Variants in CSMD3 observed in about 807,000 individuals in gnomAD.
The protein encoded by CSMD3 is CUB and sushi domain-containing protein 3.
CSMD3 carries 177 observed loss-of-function variants against 435.2 expected under a neutral mutation model. The ratio of observed to expected loss-of-function variants is 0.41; its 90% confidence interval spans 0.36 to 0.46. The LOEUF is 0.46. Ranked by LOEUF, CSMD3 falls within the 20% of genes least tolerant of loss-of-function variation. The pLI, the probability that CSMD3 is intolerant of heterozygous loss-of-function variation, is 0.34. For missense variants in CSMD3, 4,265 were observed against 4,504.6 expected, an observed-to-expected ratio of 0.95 and a Z score of 1.52; for synonymous variants, 1,656 against 1,520.5, an observed-to-expected ratio of 1.09 and a Z score of -2.07.
intron 5 of CSMD3, among the ~76,000 whole-genome samples, chr8:113,088,510 C>T (rs1333013183): frequency 1.3e-5 from 2 of 150,990 alleles, no homozygotes; most frequent in Non-Finnish European, 2.9e-5. Context: ...CACATATACA[C>T]CATGGAATAC....
At chr8:113,316,930 A>G (rs1312505072) in intron 1 of CSMD3, among the ~76,000 whole-genome samples, 1 of 152,116 alleles carries the variant, frequency 6.6e-6, no homozygotes, top group Non-Finnish European at 1.5e-5. Flanking sequence ...TGACCAATAT[A>G]ATCCTATCCT....
intron 27 of CSMD3, among the ~76,000 whole-genome samples, chr8:112,545,435 A>T (rs1827069128): frequency 7.2e-6 from 1 of 138,580 alleles, no homozygotes; most frequent in Non-Finnish European, 1.5e-5. Context: ...GTGACCCAAG[A>T]TCGTGCCACT....
intron 4 of CSMD3, among the ~76,000 whole-genome samples, chr8:113,137,465 C>T (rs189757919): frequency 2.4e-4 from 36 of 151,612 alleles, no homozygotes; most frequent in African/African-American, 8.0e-4. Context: ...CTCATTTGTG[C>T]TGCTCTATCA....
intron 10 of CSMD3, among the ~76,000 whole-genome samples, chr8:112,913,415 A>C (rs2082483162): frequency 6.6e-6 from 1 of 151,368 alleles, no homozygotes; most frequent in Non-Finnish European, 1.5e-5. Flanking sequence ...CCCGCTGTTC[A>C]CCTCCTGCTG....
intron 1 of CSMD3, among the ~76,000 whole-genome samples, chr8:113,332,497 TC>T (rs34630269): frequency 0.33 from 49,199 of 151,262 alleles, 9,918 homozygotes; most frequent in Non-Finnish European, 0.47. Flanking sequence ...CAATGCACAA[TC>T]CAACAAATAA....
At chr8:113,269,872 C>G (rs962601956) in intron 3 of CSMD3, among the ~76,000 whole-genome samples, 3 of 151,866 alleles carry the variant, frequency 2.0e-5, no homozygotes, top group Middle Eastern at 3.4e-3. Flanking sequence ...AGAAGAAAAC[C>G]TAGGCAATAC....
rs941874653 is a variant in CSMD3 at position 112,528,374 on chromosome 8, G to T, written c.4565-11149C>A. ...GGTCTAAAGTCCCAACATATACCAG[G>T]ATTTAAACACAGTAAACCAGGATTC... On this transcript the variant is annotated intron_variant, in intron 27 of 70. Coordinates refer to ENST00000297405, the MANE Select transcript of CSMD3 (RefSeq NM_198123.2). Among the ~76,000 whole-genome samples the T allele has an allele frequency of 2.0e-5, 3 of 149,652 alleles. No homozygotes were observed. The East Asian group carries it at 5.8e-4, about 29-fold the overall frequency.
chr8:112,815,718 G>T (rs1465905158), intron 12 of CSMD3, among the ~76,000 whole-genome samples: 1 of 152,024 alleles, frequency 6.6e-6, no homozygotes, highest in Non-Finnish European at 1.5e-5. Context: ...TAAAACAAAT[G>T]CAAGCAAAAC....
chr8:112,891,185 C>A (rs1280295077), intron 10 of CSMD3, among the ~76,000 whole-genome samples: 1 of 151,554 alleles, frequency 6.6e-6, no homozygotes, highest in Non-Finnish European at 1.5e-5. Context: ...GATGTGTGAT[C>A]TGCAGCAGTT....
At chr8:112,472,141 C>T (rs1818578729) in intron 32 of CSMD3, among the ~76,000 whole-genome samples, 2 of 152,226 alleles carry the variant, frequency 1.3e-5, no homozygotes, top group African/African-American at 4.8e-5. Flanking sequence ...TGCTTAAAAC[C>T]AAAAACTCTT....
intron 3 of CSMD3, 146 bp downstream of exon 3, chr8:113,278,446 C>T (rs1252427836): frequency 3.1e-6 from 2 of 645,842 alleles, no homozygotes; most frequent in East Asian, 3.0e-5. Flanking sequence ...TTTTACTATA[C>T]ATTAATGATT....
intron 65 of CSMD3, 120 bp downstream of exon 65, chr8:112,244,274 T>G: frequency 1.3e-6 from 1 of 794,194 alleles, no homozygotes; most frequent in Admixed American, 1.9e-5. Flanking sequence ...CTCCTAGACT[T>G]GGAGTTAGCC....
intron 36 of CSMD3, among the ~76,000 whole-genome samples, chr8:112,388,875 A>C (rs1346196471): frequency 6.6e-6 from 1 of 152,216 alleles, no homozygotes; most frequent in Non-Finnish European, 1.5e-5. Flanking sequence ...AGGCCACAGA[A>C]TCTCATAAAC....
intron 45 of CSMD3, among the ~76,000 whole-genome samples, chr8:112,333,631 T>A (rs1386631057): frequency 6.6e-6 from 1 of 151,802 alleles, no homozygotes. Flanking sequence ...ATATCTATTA[T>A]CCACATATTT....
chr8:112,546,107 C>G (rs73328696), intron 27 of CSMD3, among the ~76,000 whole-genome samples: 8 of 152,094 alleles, frequency 5.3e-5, no homozygotes, highest in Non-Finnish European at 8.8e-5. Context: ...TAGAAACGTG[C>G]GACGATATTG....
intron 10 of CSMD3, among the ~76,000 whole-genome samples, chr8:112,896,223 G>A (rs2081946339): frequency 6.6e-6 from 1 of 151,384 alleles, no homozygotes; most frequent in Admixed American, 6.6e-5. Flanking sequence ...AAGTCCACAT[G>A]TGGGTGTTCT....
intron 30 of CSMD3, among the ~76,000 whole-genome samples, chr8:112,494,190 A>C (rs75860270): frequency 0.014 from 2,148 of 152,202 alleles, 32 homozygotes; most frequent in South Asian, 0.034. Flanking sequence ...ATTCAACTAA[A>C]GAGGAAGTGG....
At chr8:113,426,817 A>G (rs2130014839) in intron 1 of CSMD3, among the ~76,000 whole-genome samples, 1 of 151,700 alleles carries the variant, frequency 6.6e-6, no homozygotes, top group Admixed American at 6.6e-5. Flanking sequence ...TCAACAATAA[A>G]TAAAATTTTG....
chr8:112,323,774 G>C (rs16883422), intron 45 of CSMD3, among the ~76,000 whole-genome samples: 6,514 of 152,028 alleles, frequency 0.043, 229 homozygotes, highest in East Asian at 0.14. Context: ...ACAGTGAAGT[G>C]ATAGAAGAGA....
Sources: allele counts gnomAD v4.1 joint callset (sites outside exome capture counted in the v4.1 genomes callset), GRCh38; gene constraint gnomAD v4.1.1; transcripts MANE v1.5; gene names NCBI Gene and HGNC (gene_info 2026-07-23, HGNC 2026-07-21).